LINGO2: variants seen among roughly 807,000 people sequenced by gnomAD.
The protein encoded by LINGO2 is leucine-rich repeat and immunoglobulin-like domain-containing nogo receptor-interacting protein 2.
A neutral mutation model predicts 30.6 loss-of-function variants in LINGO2; 14 were observed. The ratio of observed to expected loss-of-function variants is 0.46; its 90% CI spans 0.30 to 0.72. The LOEUF (loss-of-function observed/expected upper bound fraction) is 0.72. Among genes scored for constraint, LINGO2 ranks in the 30% least tolerant of loss-of-function variants. The probability of loss-of-function intolerance (pLI) is 0.07; values close to 1 mark genes in which losing one functional copy is unlikely to be tolerated. For synonymous variants in LINGO2, 317 were observed against 288.5 expected, an observed-to-expected ratio of 1.10 and a Z score of -1.00; for missense variants, 729 against 751.7, an observed-to-expected ratio of 0.97 and a Z score of 0.35.
At chr9:28,371,565 C>T (rs570737257) in intron 3 of LINGO2, among the ~76,000 whole-genome samples, 7 of 152,152 alleles carry the variant, frequency 4.6e-5, no homozygotes, top group Non-Finnish European at 8.8e-5. Flanking sequence ...AAGACCATCA[C>T]CTTGGGGGTT....
chr9:28,028,306 A>G (rs929124662), intron 4 of LINGO2, among the ~76,000 whole-genome samples: 3 of 152,162 alleles, frequency 2.0e-5, no homozygotes, highest in African/African-American at 7.2e-5. Flanking sequence ...ATCATATAAA[A>G]TCTTTATTTC....
chr9:28,671,395 G>A (rs1359901483), upstream of LINGO2, among the ~76,000 whole-genome samples: 1 of 151,452 alleles, frequency 6.6e-6, no homozygotes, highest in African/African-American at 2.4e-5. Flanking sequence ...CTCATCAGTG[G>A]CAGATTGGAT....
chr9:28,444,226 T>C (rs1328698882), intron 2 of LINGO2, among the ~76,000 whole-genome samples: 1 of 152,270 alleles, frequency 6.6e-6, no homozygotes, highest in Non-Finnish European at 1.5e-5. Context: ...CCTGGCCAGC[T>C]CGCTGAGCTG....
At chr9:28,761,246 GA>G in the LINGO2 span, among the ~76,000 whole-genome samples, 1 of 151,908 alleles carries the variant, frequency 6.6e-6, no homozygotes, top group Admixed American at 6.6e-5. Context: ...ACCGACAGGA[GA>G]AATAGGTTTA....
At chr9:28,049,375 G>T (rs1446949229) in intron 4 of LINGO2, among the ~76,000 whole-genome samples, 1 of 150,716 alleles carries the variant, frequency 6.6e-6, no homozygotes, top group East Asian at 2.0e-4. Flanking sequence ...GAACCCCCAA[G>T]GTGGTATCAA....
the LINGO2 span, among the ~76,000 whole-genome samples, chr9:28,699,410 T>G: frequency 6.6e-6 from 1 of 152,094 alleles, no homozygotes; most frequent in Non-Finnish European, 1.5e-5. Context: ...ACGCCTGTCT[T>G]ACTTTAATCT....
chr9:28,301,622 A>C (rs1824147068), intron 3 of LINGO2, among the ~76,000 whole-genome samples: 1 of 150,778 alleles, frequency 6.6e-6, no homozygotes, highest in South Asian at 2.1e-4. Flanking sequence ...TAATTTTTCC[A>C]GCATTTTCCC....
the LINGO2 span, among the ~76,000 whole-genome samples, chr9:28,931,681 G>A: frequency 6.6e-6 from 1 of 152,166 alleles, no homozygotes; most frequent in Non-Finnish European, 1.5e-5. Flanking sequence ...AAGAGCTTAG[G>A]TTGAGGAAAC....
the LINGO2 span, among the ~76,000 whole-genome samples, chr9:29,203,209 C>CTACCA: frequency 6.6e-6 from 1 of 152,052 alleles, no homozygotes; most frequent in African/African-American, 2.4e-5. Context: ...GGGTAATGGA[C>CTACCA]TACCATCAAT....
the LINGO2 span, among the ~76,000 whole-genome samples, chr9:28,983,510 G>A: frequency 6.6e-6 from 1 of 151,780 alleles, no homozygotes; most frequent in Non-Finnish European, 1.5e-5. Context: ...GAAGGCTACA[G>A]GGCTATTTAG....
intron 1 of LINGO2, among the ~76,000 whole-genome samples, chr9:28,577,705 A>G (rs1824058857): frequency 6.6e-6 from 1 of 152,204 alleles, no homozygotes; most frequent in African/African-American, 2.4e-5. Context: ...GCACACAGAT[A>G]AACAGCAAAA....
chr9:28,599,101 G>A (rs185635358), intron 1 of LINGO2: 1 of 152,218 alleles, frequency 6.6e-6, no homozygotes, highest in Admixed American at 6.5e-5. Flanking sequence ...ATTGGAAGAA[G>A]TGAAAACAGT....
rs1229931456 is a variant in LINGO2 at position 28,255,504 on chromosome 9, G to A, written c.-87+39704C>T. On this transcript the variant is annotated intron_variant, in intron 4 of 5. Coordinates refer to ENST00000379992, the Ensembl canonical transcript of LINGO2. ...ACTTTTTCTATAAAGTAGGGATACT[G>A]TTGGGACTTTAAAAATATGATGTAT... 3.3e-5 allele frequency among the ~76,000 whole-genome samples: 5 copies of A among 152,040 alleles called. No individual in the cohort carries two copies. In the East Asian group the frequency reaches 9.6e-4, roughly 29 times the overall value.
chr9:29,088,370 C>T, the LINGO2 span, among the ~76,000 whole-genome samples: 19 of 152,134 alleles, frequency 1.2e-4, no homozygotes, highest in Admixed American at 1.2e-3. Flanking sequence ...CATACACACA[C>T]TGTGGCCAAG....
chr9:29,013,497 G>A, the LINGO2 span, among the ~76,000 whole-genome samples: 1 of 151,714 alleles, frequency 6.6e-6, no homozygotes, highest in Non-Finnish European at 1.5e-5. Context: ...ACCCTAAAAT[G>A]TTTTCAACAA....
At chr9:28,023,136 T>C (rs1418368477) in intron 4 of LINGO2, among the ~76,000 whole-genome samples, 1 of 152,182 alleles carries the variant, frequency 6.6e-6, no homozygotes, top group Non-Finnish European at 1.5e-5. Context: ...ATCTGATAAT[T>C]TGAAAATCTG....
chr9:28,408,787 A>C (rs13290109), intron 2 of LINGO2, among the ~76,000 whole-genome samples: 22,490 of 65,654 alleles, frequency 0.34, 2,492 homozygotes, highest in African/African-American at 0.45. Context: ...AAAAAAAAAA[A>C]CAAAAAAAAA....
the LINGO2 span, among the ~76,000 whole-genome samples, chr9:28,943,824 A>G: frequency 4.6e-5 from 7 of 152,204 alleles, no homozygotes; most frequent in Non-Finnish European, 8.8e-5. Context: ...TATAGGGTAC[A>G]TGTATAATAT....
the LINGO2 span, among the ~76,000 whole-genome samples, chr9:28,899,794 C>G: frequency 6.6e-6 from 1 of 152,172 alleles, no homozygotes; most frequent in Non-Finnish European, 1.5e-5. Flanking sequence ...GACATGGACT[C>G]CTGGCCTGCT....
Sources: gnomAD v4.1 joint callset for allele counts (sites outside exome capture counted in the v4.1 genomes callset) on GRCh38, gnomAD v4.1.1 for gene constraint, MANE v1.5 for transcripts, NCBI Gene and HGNC (gene_info 2026-07-23, HGNC 2026-07-21) for gene names.